The following PFKFB4 variants were observed in gnomAD, a reference collection of about 807,000 sequenced individuals.
PFKFB4 encodes 6-phosphofructo-2-kinase/fructose-2,6-bisphosphatase 4.
In PFKFB4, 42 loss-of-function variants were observed where a neutral mutation model predicts 62.8. The observed-to-expected ratio is 0.67, with a 90% confidence interval of 0.52 to 0.86. PFKFB4 has a LOEUF of 0.86. Ranked by LOEUF, PFKFB4 falls within the 40% of genes least tolerant of loss-of-function variation. PFKFB4 has a pLI of 0.00. For missense variants in PFKFB4, 475 were observed against 627.2 expected (o/e 0.76, Z 2.59); for synonymous variants, 204 against 240.7 (o/e 0.85, Z 1.41).
chr3:48,522,774 T>G (rs972491866), intron 12 of PFKFB4, among the ~76,000 whole-genome samples: 1 of 151,952 alleles, frequency 6.6e-6, no homozygotes, highest in African/African-American at 2.4e-5. Flanking sequence ...TTTTTTTTTT[T>G]TTTTGAGACA....
At chr3:48,537,794 G>C (rs1469400483) in intron 7 of PFKFB4, among the ~76,000 whole-genome samples, 2 of 152,034 alleles carry the variant, frequency 1.3e-5, no homozygotes, top group Admixed American at 6.5e-5. Context: ...CAAAGTGCTA[G>C]GATTACAGGC....
chr3:48,557,130 A>T (rs927796772), upstream of PFKFB4: 1 of 336,620 alleles, frequency 3.0e-6, no homozygotes, highest in African/African-American at 2.2e-5. Flanking sequence ...CAGCTCTCCC[A>T]ACCTGCCCGC....
intron 3 of PFKFB4, among the ~76,000 whole-genome samples, chr3:48,549,530 C>T (rs200294346): frequency 6.7e-6 from 1 of 150,358 alleles, no homozygotes; most frequent in Admixed American, 6.7e-5. Flanking sequence ...GCCCCTCTTA[C>T]CTCCCTGAAG....
chr3:48,553,822 T>C (rs758622378), intron 1 of PFKFB4, among the ~76,000 whole-genome samples: 22 of 152,202 alleles, frequency 1.4e-4, no homozygotes, highest in Non-Finnish European at 2.2e-4. Context: ...CTGAAAGTCA[T>C]CTCTCCTGTT....
Position 48,556,322 on chromosome 3 carries a change from G to A in PFKFB4, c.97+359C>T. On this transcript the variant is annotated intron_variant, in intron 1 of 13. Transcript: ENST00000232375. This position sits in a 1 kb window ranked among gnomAD's most constrained non-coding sequence, Gnocchi z 5.7. ...CGGCCCACACTCCTTGGCCAGGAGA[G>A]AGGGAAGGGCCTGGGGTGCCCACAG... 1 of 519,164 alleles carries A rather than the reference G, an allele frequency of 1.9e-6. No individual in the cohort carries two copies. Among genetic ancestry groups the A allele is most frequent in the South Asian group, 1.6e-5 (1 of 62,762 alleles). 32.2% of individuals were successfully genotyped at this position (519,164 alleles called of 1,614,324 possible). A position where few individuals can be genotyped will look rare whatever the true frequency, so the allele number is the denominator to read the frequency against.
chr3:48,532,174 G>A (rs1052119231), intron 9 of PFKFB4, among the ~76,000 whole-genome samples: 2 of 152,218 alleles, frequency 1.3e-5, no homozygotes, highest in African/African-American at 4.8e-5. Flanking sequence ...GCTAGGCATC[G>A]TGGTGTGGGC....
chr3:48,523,248 G>A (rs375337832), intron 12 of PFKFB4, among the ~76,000 whole-genome samples: 1 of 152,120 alleles, frequency 6.6e-6, no homozygotes, highest in Middle Eastern at 3.2e-3. Context: ...GCTGGGCATG[G>A]TGGCAGGCGC....
At chr3:48,552,180 C>A (rs754947078) in intron 1 of PFKFB4, among the ~76,000 whole-genome samples, 1 of 152,176 alleles carries the variant, frequency 6.6e-6, no homozygotes, top group Non-Finnish European at 1.5e-5. Flanking sequence ...GGCAGTCATC[C>A]CTCAGAGAAG....
chr3:48,523,379 G>A (rs1441328606), intron 12 of PFKFB4, among the ~76,000 whole-genome samples, 158 bp downstream of exon 12: 2 of 152,156 alleles, frequency 1.3e-5, no homozygotes, highest in African/African-American at 4.8e-5. Context: ...GCGAGACTCC[G>A]TCTCAAAGAA....
intron 9 of PFKFB4, among the ~76,000 whole-genome samples, chr3:48,529,677 T>C (rs954044272): frequency 2.6e-5 from 4 of 152,208 alleles, no homozygotes; most frequent in Non-Finnish European, 4.4e-5. Context: ...ATTGCTTACT[T>C]TTTTGAAAGA....
intron 9 of PFKFB4, among the ~76,000 whole-genome samples, chr3:48,532,719 G>A (rs2042466324): frequency 1.3e-5 from 2 of 152,146 alleles, no homozygotes; most frequent in South Asian, 4.1e-4. Flanking sequence ...AGGCATGGTG[G>A]TGTGCACTTG....
At chr3:48,519,839 T>A in intron 13 of PFKFB4, 33 bp from the exon 14 acceptor site, 2 of 1,578,960 alleles carry the variant, frequency 1.3e-6, no homozygotes, top group Non-Finnish European at 1.7e-6. Flanking sequence ...GTTCACTCCA[T>A]GGCAGGAATA....
intron 4 of PFKFB4, among the ~76,000 whole-genome samples, chr3:48,540,010 T>A (rs1408575067): frequency 6.6e-6 from 1 of 152,196 alleles, no homozygotes; most frequent in Non-Finnish European, 1.5e-5. Flanking sequence ...AGAGGATGCC[T>A]GTGCTCCCAG....
intron 3 of PFKFB4, among the ~76,000 whole-genome samples, chr3:48,547,149 G>A (rs1224869928): frequency 6.6e-6 from 1 of 152,184 alleles, no homozygotes; most frequent in East Asian, 1.9e-4. Context: ...TCAGGTGTGT[G>A]TGTATATACA....
chr3:48,552,237 C>G (rs1369206471), intron 1 of PFKFB4, among the ~76,000 whole-genome samples: 3 of 152,262 alleles, frequency 2.0e-5, no homozygotes, highest in African/African-American at 7.2e-5. Flanking sequence ...GCTGTGCCCT[C>G]TGTCCTACCC....
intron 1 of PFKFB4, among the ~76,000 whole-genome samples, chr3:48,555,281 C>T (rs2043279413): frequency 6.6e-6 from 1 of 152,106 alleles, no homozygotes; most frequent in Non-Finnish European, 1.5e-5. Context: ...CATGAGTTAC[C>T]ACGACTTGGT....
chr3:48,559,612 TTCC>T, upstream of PFKFB4: 1 of 456,924 alleles, frequency 2.2e-6, no homozygotes, highest in Non-Finnish European at 4.4e-6. Context: ...TCATGGCTTT[TTCC>T]TCCTCAGTAT....
rs1402920937 is a variant in PFKFB4 at position 48,538,583 on chromosome 3, C to T, written c.547G>A (p.Asp183Asn). The T allele has an allele frequency of 6.2e-7, 1 of 1,614,200 alleles. No individual in the cohort carries two copies. Among genetic ancestry groups the T allele is most frequent in the South Asian group, 1.1e-5 (1 of 91,078 alleles). Residue 183 changes from aspartate (D) to asparagine (N), a missense_variant, in exon 7 of 14, where the codon GAC becomes AAC. Physicochemically the swap from Asp to Asn is conservative, Grantham distance 23. Transcript: ENST00000232375. ...AAGTCCTCCGTAGCCTCATCACTGTCGCGGTTGACATAGTCAGGGCTGCCC... is the reference window on the plus strand; with the variant it reads ...AAGTCCTCCGTAGCCTCATCACTGTTGCGGTTGACATAGTCAGGGCTGCCC... Reference protein sequence around the residue: ...KLGSPDYVNRDSDEATEDFMR... With the variant: ...KLGSPDYVNRNSDEATEDFMR...
chr3:48,545,852 G>C (rs2042945268), intron 3 of PFKFB4, among the ~76,000 whole-genome samples: 1 of 152,128 alleles, frequency 6.6e-6, no homozygotes, highest in Non-Finnish European at 1.5e-5. Flanking sequence ...TCTGAATTCT[G>C]AGAGTCCAGG....
Sources: gnomAD v4.1 joint callset for allele counts (sites outside exome capture counted in the v4.1 genomes callset) on GRCh38, gnomAD v4.1.1 for gene constraint, Gnocchi (gnomAD v3.1) non-coding constraint, MANE v1.5 for transcripts, NCBI Gene and HGNC (gene_info 2026-07-23, HGNC 2026-07-21) for gene names.